GFRA2: variants seen among roughly 807,000 people sequenced by gnomAD.
The protein encoded by GFRA2 is GDNF family receptor alpha-2.
GFRA2 carries 17 observed loss-of-function variants against 48.3 expected under a neutral mutation model. The ratio of observed to expected loss-of-function variants is 0.35; its 90% CI spans 0.24 to 0.53. GFRA2 has a LOEUF of 0.53. GFRA2 is among the 20% of genes least tolerant of loss of function. The pLI is 0.93. For synonymous variants in GFRA2, 305 were observed against 257.2 expected (o/e 1.19, Z -1.78); for missense variants, 660 against 637.3 (o/e 1.04, Z -0.38).
intron 4 of GFRA2, among the ~76,000 whole-genome samples, chr8:21,706,557 A>G (rs10099437): frequency 0.08 from 12,192 of 152,118 alleles, 1,615 homozygotes; most frequent in African/African-American, 0.28. Context: ...GGGAGGCAAA[A>G]GAGTCTCCCT....
At chr8:21,695,177 C>T (rs1802097741) in intron 7 of GFRA2, among the ~76,000 whole-genome samples, 2 of 152,264 alleles carry the variant, frequency 1.3e-5, no homozygotes, top group Middle Eastern at 3.4e-3. Flanking sequence ...AGAAGGGCTG[C>T]CTTGGTAATG....
chr8:21,719,526 A>C lies in GFRA2; in HGVS notation c.795-13485T>G, dbSNP rs368450749. ...TTTCATTGAACTGCTAAGTAAGCTG[A>C]ACAAGAGATTGTGTTTACATAAGCA... On this transcript the variant is annotated intron_variant, in intron 4 of 8. Coordinates refer to ENST00000524240, the MANE Select transcript of GFRA2 (RefSeq NM_001495.5). Among the ~76,000 whole-genome samples, 126 of 152,348 alleles carry C rather than the reference A, an allele frequency of 8.3e-4. 1 individual carries two copies. The highest frequency in any genetic ancestry group is 6.4e-3 in the South Asian group (31 of 4,824).
At chr8:21,760,223 C>T (rs73669549) in intron 3 of GFRA2, among the ~76,000 whole-genome samples, 205 of 152,244 alleles carry the variant, frequency 1.3e-3, no homozygotes, top group African/African-American at 4.8e-3. Flanking sequence ...AAATGCAAAG[C>T]GCTGGAGAGC....
chr8:21,723,509 A>C (rs1344466698), intron 4 of GFRA2, among the ~76,000 whole-genome samples: 1 of 149,342 alleles, frequency 6.7e-6, no homozygotes, highest in African/African-American at 2.6e-5. Context: ...AGAGCTTTAC[A>C]AAAAATAAAA....
At chr8:21,756,056 G>C (rs983539498) in intron 3 of GFRA2, among the ~76,000 whole-genome samples, 1 of 152,208 alleles carries the variant, frequency 6.6e-6, no homozygotes, top group Non-Finnish European at 1.5e-5. Flanking sequence ...AAGGTGAGGA[G>C]AGACAACAGG....
In GFRA2 at chr8:21,795,605, C is replaced by G. The variant is rs1203689496; in HGVS notation, c.-35-7411G>C. Among the ~76,000 whole-genome samples, 10 of 152,242 alleles carry G rather than the reference C, an allele frequency of 6.6e-5. No homozygotes were observed. The South Asian group carries it at 1.9e-3, about 28-fold the overall frequency. On this transcript the variant is annotated intron_variant, in intron 2 of 10. Transcript: ENST00000517328. ...ACAGGGTTTCACCATGTTGGCTAGG[C>G]TGGTCTCGAACTCTCAGCCTCAGGT...
intron 1 of GFRA2, among the ~76,000 whole-genome samples, chr8:21,786,185 G>T (rs1807259876): frequency 6.6e-6 from 1 of 152,144 alleles, no homozygotes; most frequent in Non-Finnish European, 1.5e-5. Flanking sequence ...GGGCCTCTCT[G>T]GTCATCTCCC....
chr8:21,791,689 A>G (rs1807577104), upstream of GFRA2, among the ~76,000 whole-genome samples: 2 of 152,248 alleles, frequency 1.3e-5, no homozygotes, highest in Admixed American at 1.3e-4. Context: ...TAGAAATTAC[A>G]TAAGATACTA....
intron 1 of GFRA2, among the ~76,000 whole-genome samples, chr8:21,808,264 C>T (rs1213740127): frequency 4.6e-5 from 7 of 152,194 alleles, no homozygotes; most frequent in Admixed American, 4.6e-4. Context: ...ACCCTCTTGT[C>T]ATGTCGGCTC....
At chr8:21,722,363 T>C (rs1032588878) in intron 4 of GFRA2, among the ~76,000 whole-genome samples, 2 of 152,178 alleles carry the variant, frequency 1.3e-5, no homozygotes, top group East Asian at 1.9e-4. Flanking sequence ...ACCAGATTAT[T>C]TGTGGTCCCA....
intron 4 of GFRA2, among the ~76,000 whole-genome samples, chr8:21,745,134 A>G (rs1563242718): frequency 6.6e-6 from 1 of 152,212 alleles, no homozygotes; most frequent in East Asian, 1.9e-4. Flanking sequence ...AGAGCCTGCT[A>G]AATCTCACAC....
chr8:21,772,148 CTCAT>C (rs1806466966), intron 3 of GFRA2, among the ~76,000 whole-genome samples: 1 of 152,162 alleles, frequency 6.6e-6, no homozygotes, highest in Non-Finnish European at 1.5e-5. Flanking sequence ...AGCTCATGTC[CTCAT>C]TCAGACAGAA....
chr8:21,695,697 T>C (rs1192569254), intron 7 of GFRA2, among the ~76,000 whole-genome samples: 5 of 151,980 alleles, frequency 3.3e-5, no homozygotes, highest in Admixed American at 6.6e-5. Flanking sequence ...TGGACTCCAC[T>C]CCCCAGGACT....
chr8:21,707,190 G>A (rs953662074), intron 4 of GFRA2, among the ~76,000 whole-genome samples: 3 of 152,190 alleles, frequency 2.0e-5, no homozygotes, highest in African/African-American at 7.2e-5. Flanking sequence ...ATGGTGACTC[G>A]ACAAGCTAGC....
chr8:21,710,699 G>C (rs1249318323), intron 4 of GFRA2, among the ~76,000 whole-genome samples: 2 of 152,240 alleles, frequency 1.3e-5, no homozygotes, highest in East Asian at 1.9e-4. Context: ...AAGCAGGCCT[G>C]ATTGCTGGTG....
chr8:21,773,380 C>T (rs1023527649), intron 3 of GFRA2, among the ~76,000 whole-genome samples: 1 of 152,204 alleles, frequency 6.6e-6, no homozygotes, highest in African/African-American at 2.4e-5. Flanking sequence ...ACCGCCAGTG[C>T]CCAAGGCCAC....
chr8:21,730,282 T>C (rs940415825), intron 4 of GFRA2, among the ~76,000 whole-genome samples: 8 of 151,714 alleles, frequency 5.3e-5, no homozygotes, highest in African/African-American at 1.9e-4. Flanking sequence ...TGCATGCCTG[T>C]AGTGCAGCTA....
At chr8:21,780,523 C>G (rs1585334813) in intron 2 of GFRA2, among the ~76,000 whole-genome samples, 3 of 152,266 alleles carry the variant, frequency 2.0e-5, no homozygotes, top group South Asian at 4.1e-4. Flanking sequence ...ATGCACACCC[C>G]CTTGGCCCTG....
chr8:21,694,617 C>G, intron 7 of GFRA2, 100 bp from the exon 8 acceptor site: 2 of 1,064,596 alleles, frequency 1.9e-6, no homozygotes, highest in Non-Finnish European at 2.8e-6. Context: ...ACTGTTGGCT[C>G]CGCTAAGCAC....
Sources: allele counts gnomAD v4.1 joint callset (sites outside exome capture counted in the v4.1 genomes callset), GRCh38; gene constraint gnomAD v4.1.1; transcripts MANE v1.5; gene names NCBI Gene and HGNC (gene_info 2026-07-23, HGNC 2026-07-21).